Variants in EPN1 observed in about 807,000 individuals in gnomAD.
EPN1 encodes the protein epsin 1, also known as epsin-1.
In EPN1, 25 loss-of-function variants were observed where a neutral mutation model predicts 56.9. That is an observed-to-expected ratio of 0.44 (90% CI 0.32 to 0.61). EPN1 has a LOEUF of 0.61. EPN1 is among the 20% of genes least tolerant of loss of function. The probability of loss-of-function intolerance (pLI) is 0.05; values close to 1 mark genes in which losing one functional copy is unlikely to be tolerated. For missense variants in EPN1, 785 were observed against 823.7 expected (o/e 0.95, Z 0.58); for synonymous variants, 411 against 361.8 (o/e 1.14, Z -1.54).
intron 7 of EPN1, 78 bp downstream of exon 7, chr19:55,692,135 G>C (rs746360149): frequency 7.5e-7 from 1 of 1,335,360 alleles, no homozygotes; most frequent in Non-Finnish European, 9.7e-7. Flanking sequence ...CTTGGACAGG[G>C]ACAGATCGAG....
At position 55,707,358 on chromosome 19, in the gene EPN1, C is replaced by A. The variant is rs934759527; in HGVS notation, c.*12002C>A. The stretch of plus-strand genomic sequence containing the variant: ...CCTGACTCTAAAACAAAAGAAAGAA[C>A]AAATAACAAATGAAAATAAATACCC... On this transcript the variant is annotated 3_prime_UTR_variant, in exon 11 of 11. Transcript: ENST00000270460. The A allele has an allele frequency of 6.6e-6, 1 of 152,196 alleles. No homozygotes were observed. Among genetic ancestry groups the A allele is most frequent in the Non-Finnish European group, 1.5e-5 (1 of 68,082 alleles). The allele number at this position is 152,196 out of a possible 1,614,324, so 9.4% of individuals were successfully genotyped here. A position where few individuals can be genotyped will look rare whatever the true frequency, so the allele number is the denominator to read the frequency against.
rs915753720 is a variant in EPN1 at position 55,693,725 on chromosome 19, G to A, written c.1264+688G>A. Among the ~76,000 whole-genome samples the A allele has an allele frequency of 2.0e-5, 3 of 152,154 alleles. No individual in the cohort carries two copies. The East Asian group carries it at 5.8e-4, about 29-fold the overall frequency. ...AGCTGTTAGTGAAGAGCAGGTTGTGGTACAGAAACCTGTTTCCACTGATGA... is the reference window on the plus strand; with the variant it reads ...AGCTGTTAGTGAAGAGCAGGTTGTGATACAGAAACCTGTTTCCACTGATGA... On this transcript the variant is annotated intron_variant, in intron 9 of 10. Coordinates refer to ENST00000270460, the MANE Select transcript of EPN1 (RefSeq NM_001130072.2).
intron 2 of EPN1, among the ~76,000 whole-genome samples, chr19:55,684,149 T>C (rs556704898): frequency 1.4e-3 from 220 of 152,324 alleles, no homozygotes; most frequent in Non-Finnish European, 2.1e-3. Context: ...AACACACCTT[T>C]GAAAGGCCTT....
At chr19:55,693,981 C>T (rs529322870) in intron 9 of EPN1, 2 of 152,116 alleles carry the variant, frequency 1.3e-5, no homozygotes, top group South Asian at 2.1e-4. Context: ...TTTGGAAGCT[C>T]GAGGTGGGTG....
chr19:55,706,551 C>T lies in EPN1; in HGVS notation c.*11195C>T, dbSNP rs1394926862. On this transcript the variant is annotated 3_prime_UTR_variant, in exon 11 of 11. Coordinates refer to ENST00000270460, the MANE Select transcript of EPN1 (RefSeq NM_001130072.2). Reference sequence around the variant, plus strand: ...CCTGTAATCTCAGCTCCTCAGTAGGCTAAGGCGGGAGAATCGCTTGAACCC... The same window carrying T: ...CCTGTAATCTCAGCTCCTCAGTAGGTTAAGGCGGGAGAATCGCTTGAACCC... The T allele has an allele frequency of 2.0e-5, 3 of 151,728 alleles. No individual in the cohort carries two copies. Among genetic ancestry groups the T allele is most frequent in the Admixed American group, 1.3e-4 (2 of 15,186 alleles). The allele number at this position is 151,728 out of a possible 1,614,324, so 9.4% of individuals were successfully genotyped here. A position where few individuals can be genotyped will look rare whatever the true frequency, so the allele number is the denominator to read the frequency against.
At chr19:55,690,599 C>T (rs1986479265) in intron 6 of EPN1, among the ~76,000 whole-genome samples, 1 of 152,224 alleles carries the variant, frequency 6.6e-6, no homozygotes, top group Non-Finnish European at 1.5e-5. Flanking sequence ...TGGCCTCTCC[C>T]TGGTTACTAG....
At position 55,698,586 on chromosome 19, in the gene EPN1, A is replaced by G. The variant is rs1987000988; in HGVS notation, c.*3230A>G. On this transcript the variant is annotated 3_prime_UTR_variant, in exon 11 of 11. Coordinates refer to ENST00000270460, the MANE Select transcript of EPN1 (RefSeq NM_001130072.2). Reference sequence around the variant, plus strand: ...TCGCCCTATCCTCGCTCCTCGCCCTACGCTTGCCCCTCGCTCTGGAGCTGC... The same window carrying G: ...TCGCCCTATCCTCGCTCCTCGCCCTGCGCTTGCCCCTCGCTCTGGAGCTGC... The G allele has an allele frequency of 6.6e-6, 1 of 152,342 alleles. No individual in the cohort carries two copies. The highest frequency in any genetic ancestry group is 2.4e-5 in the African/African-American group (1 of 41,400). The allele number at this position is 152,342 out of a possible 1,614,324, so 9.4% of individuals were successfully genotyped here. A position where few individuals can be genotyped will look rare whatever the true frequency, so the allele number is the denominator to read the frequency against.
intron 2 of EPN1, among the ~76,000 whole-genome samples, chr19:55,682,729 G>A (rs530615531): frequency 1.3e-5 from 2 of 151,924 alleles, no homozygotes; most frequent in Admixed American, 6.6e-5. Flanking sequence ...CACTGCACCC[G>A]ATTTTATATA....
chr19:55,676,214 C>T (rs1190398655), intron 1 of EPN1, among the ~76,000 whole-genome samples: 2 of 152,310 alleles, frequency 1.3e-5, no homozygotes, highest in Non-Finnish European at 1.5e-5. Flanking sequence ...TGTGTAATTA[C>T]TGGGAGCTCT....
intron 3 of EPN1, among the ~76,000 whole-genome samples, chr19:55,686,726 G>C (rs1305263524): frequency 6.6e-6 from 1 of 152,042 alleles, no homozygotes; most frequent in South Asian, 2.1e-4. Context: ...GAAGGAAGCC[G>C]GTGTGGCGTG....
rs532303753 is a variant in EPN1 at position 55,678,199 on chromosome 19, G to A, written c.-101-328G>A. Among the ~76,000 whole-genome samples, 11 of 152,276 alleles carry A rather than the reference G, an allele frequency of 7.2e-5. No homozygotes were observed. The South Asian group carries it at 2.3e-3, about 32-fold the overall frequency. On this transcript the variant is annotated intron_variant, in intron 1 of 10. Coordinates refer to ENST00000270460, the MANE Select transcript of EPN1 (RefSeq NM_001130072.2). ...GTGTTTACAGGGCGTCAGTTCTCTA[G>A]ATGACCGCATGGAGCCCCATTTGAC...
chr19:55,689,176 G>A lies in EPN1; in HGVS notation c.604-121G>A, dbSNP rs1004177737. On this transcript the variant is annotated intron_variant, in intron 4 of 10. Coordinates refer to ENST00000270460, the MANE Select transcript of EPN1 (RefSeq NM_001130072.2). The surrounding 1 kb of genome is among the most constrained non-coding windows in gnomAD (Gnocchi z 5.7). ...TCCCTCTGCGTGTCACTCTCTGCCT[G>A]TCCCTCACTGGTTCAGGGACCCCCA... The A allele has an allele frequency of 6.2e-6, 7 of 1,125,400 alleles. No individual in the cohort carries two copies. In the African/African-American group the frequency reaches 9.3e-5, roughly 15 times the overall value. 69.7% of individuals were successfully genotyped at this position (1,125,400 alleles called of 1,614,324 possible).
intron 1 of EPN1, 118 bp from the exon 2 acceptor site, chr19:55,678,409 T>G: frequency 9.4e-7 from 1 of 1,067,016 alleles, no homozygotes; most frequent in East Asian, 2.6e-5. Flanking sequence ...CTTTGAGACC[T>G]AGAGGTTAAC....
chr19:55,693,338 C>T (rs1186552698), intron 9 of EPN1: 4 of 369,188 alleles, frequency 1.1e-5, no homozygotes, highest in Non-Finnish European at 2.0e-5. Context: ...TGCAAACTCT[C>T]CAGGTGTCTC....
At chr19:55,690,558 C>G (rs534660260) in intron 6 of EPN1, among the ~76,000 whole-genome samples, 2 of 152,208 alleles carry the variant, frequency 1.3e-5, no homozygotes, top group African/African-American at 2.4e-5. Context: ...CCGGGGTGTC[C>G]GCACTGGCCT....
chr19:55,688,465 A>G (rs1195394503), intron 3 of EPN1, among the ~76,000 whole-genome samples: 2 of 151,988 alleles, frequency 1.3e-5, no homozygotes, highest in Admixed American at 1.3e-4. Flanking sequence ...CAGAGCTACC[A>G]TTCTCAACAA....
In EPN1 at chr19:55,701,591, CATTA is replaced by C. The variant is rs1317891691; in HGVS notation, c.*6238_*6241del. 1 of 152,144 alleles carries C rather than the reference CATTA, an allele frequency of 6.6e-6. No homozygotes were observed. Among genetic ancestry groups the C allele is most frequent in the African/African-American group, 2.4e-5 (1 of 41,400 alleles). The allele number at this position is 152,144 out of a possible 1,614,324, so 9.4% of individuals were successfully genotyped here. ...CCCAGCAGTTCTCAGAAGGAGCTGACATTAATGAGAACTTCTCCCTGTTAGACCC... is the reference window on the plus strand; with the variant it reads ...CCCAGCAGTTCTCAGAAGGAGCTGACATGAGAACTTCTCCCTGTTAGACCC... On this transcript the variant is annotated 3_prime_UTR_variant, in exon 11 of 11. Transcript: ENST00000270460.
At chr19:55,678,383 A>G (rs554434480) in intron 1 of EPN1, 144 bp from the exon 2 acceptor site, 5 of 883,198 alleles carry the variant, frequency 5.7e-6, no homozygotes, top group African/African-American at 5.1e-5. Context: ...GAGGAACTGA[A>G]ACATGGATGG....
Position 55,689,784 on chromosome 19 carries a change from G to T in EPN1, c.679-83G>T, listed in dbSNP as rs2122202722. ...AGCCGCTTTCGTTGGGGTGGGAGGG[G>T]TTGCTGGGGCTTCCAGGCTGAGGTG... On this transcript the variant is annotated intron_variant, in intron 5 of 10. Coordinates refer to ENST00000270460, the MANE Select transcript of EPN1 (RefSeq NM_001130072.2). The surrounding 1 kb of genome is among the most constrained non-coding windows in gnomAD (Gnocchi z 5.7). 2 of 1,318,988 alleles carry T rather than the reference G, an allele frequency of 1.5e-6. No homozygotes were observed. The highest frequency in any genetic ancestry group is 1.1e-6 in the Non-Finnish European group (1 of 938,526). 81.7% of individuals were successfully genotyped at this position (1,318,988 alleles called of 1,614,324 possible). A position where few individuals can be genotyped will look rare whatever the true frequency, so the allele number is the denominator to read the frequency against.
Sources: gnomAD v4.1 joint callset for allele counts (sites outside exome capture counted in the v4.1 genomes callset) on GRCh38, gnomAD v4.1.1 for gene constraint, Gnocchi (gnomAD v3.1) non-coding constraint, MANE v1.5 for transcripts, NCBI Gene and HGNC (gene_info 2026-07-23, HGNC 2026-07-21) for gene names.